SLC6A18: variants seen among roughly 807,000 people sequenced by gnomAD.
SLC6A18 encodes inactive sodium-dependent neutral amino acid transporter B(0)AT3.
Under a neutral mutation model 62.9 loss-of-function variants are expected in SLC6A18, and 58 were observed. The ratio of observed to expected loss-of-function variants is 0.92; its 90% CI spans 0.75 to 1.15. SLC6A18 has a LOEUF of 1.15. SLC6A18 is among the 50% of genes most tolerant of loss of function. SLC6A18 has a pLI of 0.00. For synonymous variants in SLC6A18, 382 were observed against 365.8 expected (o/e 1.04, Z -0.51); for missense variants, 793 against 836.6 (o/e 0.95, Z 0.64).
rs1198759929 is a variant in SLC6A18 at position 1,241,154 on chromosome 5, T to C, written c.974+495T>C. 6.6e-6 allele frequency among the ~76,000 whole-genome samples: 1 copy of C among 152,206 alleles called. No individual in the cohort carries two copies. Among genetic ancestry groups the C allele is most frequent in the Non-Finnish European group, 1.5e-5 (1 of 68,036 alleles). On this transcript the variant is annotated intron_variant, in intron 7 of 11. Coordinates refer to ENST00000324642, the MANE Select transcript of SLC6A18 (RefSeq NM_182632.3). This position sits in a 1 kb window ranked among gnomAD's most constrained non-coding sequence, Gnocchi z 7.8. ...TCCCGTGGTTTTGAGGCACCATTGCTGGTCGTTTGCTGCGGTGGTCCCAGG... is the reference window on the plus strand; with the variant it reads ...TCCCGTGGTTTTGAGGCACCATTGCCGGTCGTTTGCTGCGGTGGTCCCAGG...
Position 1,240,550 on chromosome 5 carries a change from G to A in SLC6A18, c.865G>A (p.Ala289Thr). Residue 289 changes from alanine to threonine, a missense_variant, in exon 7 of 12, where the codon GCG becomes ACG. Ala to Thr is a moderately conservative substitution (Grantham distance 58). Transcript: ENST00000324642. ...GCCCAGGAATGACTGCCAGAAGGAT[G>A]CGGTGGTCATCGCCCTGGTCAACAG... ...NSPRNDCQKD[A>T]VVIALVNRMT... is the part of the protein sequence containing the mutation. 5.0e-6 allele frequency: 8 copies of A among 1,614,188 alleles called. No homozygotes were observed. Among genetic ancestry groups the A allele is most frequent in the Non-Finnish European group, 6.8e-6 (8 of 1,180,034 alleles).
rs1211869353 is a variant in SLC6A18, at chr5:1,235,799, G to A, written c.621+137G>A. The A allele has an allele frequency of 6.0e-6, 5 of 832,792 alleles. No homozygotes were observed. In the East Asian group the frequency reaches 1.3e-4, roughly 21 times the overall value. The allele number at this position is 832,792 out of a possible 1,614,324, so 51.6% of individuals were successfully genotyped here. A position where few individuals can be genotyped will look rare whatever the true frequency, so the allele number is the denominator to read the frequency against. On this transcript the variant is annotated intron_variant, in intron 4 of 11. Transcript: ENST00000324642. ...ATCTAGGATTGCAACGTCTTCTTAG[G>A]GAATTGATCCCATTATCACTGTGAA...
chr5:1,232,806 G>A lies in SLC6A18; in HGVS notation c.357G>A (p.Val119=). The part of the protein sequence containing the change: ...FLISLYYNTI[V]AWVLWYLLNS... ...TCAGCCTGTACTACAACACCATCGTGGCGTGGGTGCTGTGGTACCTCCTCA... is the reference window on the plus strand; with the variant it reads ...TCAGCCTGTACTACAACACCATCGTAGCGTGGGTGCTGTGGTACCTCCTCA... Residue 119 remains valine (V), a synonymous_variant, in exon 3 of 12, where the codon GTG becomes GTA. Transcript: ENST00000324642. 6.2e-6 allele frequency: 10 copies of A among 1,613,486 alleles called. No homozygotes were observed. Among genetic ancestry groups the A allele is most frequent in the Non-Finnish European group, 8.5e-6 (10 of 1,179,990 alleles).
chr5:1,238,188 G>A (rs557177915), intron 5 of SLC6A18, 128 bp downstream of exon 5: 5 of 754,320 alleles, frequency 6.6e-6, no homozygotes, highest in African/African-American at 3.5e-5. Context: ...GCTGCCTGGT[G>A]GTCAGGGGTG....
intron 3 of SLC6A18, among the ~76,000 whole-genome samples, chr5:1,234,452 C>T (rs889724905): frequency 3.9e-5 from 6 of 152,238 alleles, no homozygotes; most frequent in Non-Finnish European, 7.3e-5. Context: ...GGCCCCAGTA[C>T]AGGCTATCTG....
At chr5:1,237,813 A>C in intron 4 of SLC6A18, 137 bp from the exon 5 acceptor site, 1 of 659,824 alleles carries the variant, frequency 1.5e-6, no homozygotes, top group Non-Finnish European at 2.7e-6. Context: ...GTGCACCCCC[A>C]TCCGTCCTGG....
At position 1,226,785 on chromosome 5, in the gene SLC6A18, G is replaced by A. The variant is rs550242514; in HGVS notation, c.160+1148G>A. On this transcript the variant is annotated intron_variant, in intron 1 of 11. Coordinates refer to ENST00000324642, the MANE Select transcript of SLC6A18 (RefSeq NM_182632.3). ...GGCAGAGGCGTCCCTGGCTCCCGGG[G>A]CCCTCGCTGCCTGTGCTGCGGCTCG... 9.9e-5 allele frequency among the ~76,000 whole-genome samples: 15 copies of A among 152,236 alleles called. No individual in the cohort carries two copies. The South Asian group carries it at 2.9e-3, about 30-fold the overall frequency.
At chr5:1,239,405 T>A in intron 5 of SLC6A18, 45 bp from the exon 6 acceptor site, 1 of 1,437,124 alleles carries the variant, frequency 7.0e-7, no homozygotes, top group Non-Finnish European at 9.8e-7. Context: ...CACCAGCTCA[T>A]GTGGTTTGCC....
rs779998110 is a variant in SLC6A18, at chr5:1,225,596, A to C, written c.119A>C (p.Asn40Thr). The C allele has an allele frequency of 6.2e-7, 1 of 1,607,486 alleles. No individual in the cohort carries two copies. The highest frequency in any genetic ancestry group is 1.1e-5 in the South Asian group (1 of 89,954). ...ACTGGGTTTGCCGTGGGACTGGGGA[A>C]CATTTGGCGGTTCCCATACCTGTGC... ...SCTGFAVGLG[N>T]IWRFPYLCQT... The change falls in exon 1 of 12, where the codon AAC becomes ACC. Residue 40 changes from asparagine (N) to threonine (T), a missense_variant. Physicochemically the swap from Asn to Thr is moderately conservative, Grantham distance 65. Coordinates refer to ENST00000324642, the MANE Select transcript of SLC6A18 (RefSeq NM_182632.3).
chr5:1,245,134 G>T (rs1034324213), intron 11 of SLC6A18, among the ~76,000 whole-genome samples: 2 of 152,216 alleles, frequency 1.3e-5, no homozygotes, highest in Admixed American at 1.3e-4. Flanking sequence ...GCATGGGGAC[G>T]GGCAGCCGGA....
Position 1,243,801 on chromosome 5 carries a change from C to T in SLC6A18, c.1336+42C>T, listed in dbSNP as rs1219379716. On this transcript the variant is annotated intron_variant, in intron 9 of 11. Transcript: ENST00000324642. This position sits in a 1 kb window ranked among gnomAD's most constrained non-coding sequence, Gnocchi z 6.5. ...GCCGCCCTGGAGGACCCGTCCCCAG[C>T]ATCTGACTGTCCACTCCCGCCCGCT... 1 of 1,532,828 alleles carries T rather than the reference C, an allele frequency of 6.5e-7. No individual in the cohort carries two copies. Among genetic ancestry groups the T allele is most frequent in the African/African-American group, 1.4e-5 (1 of 73,320 alleles). The allele number at this position is 1,532,828 out of a possible 1,614,324, so 95.0% of individuals were successfully genotyped here.
In SLC6A18 at chr5:1,244,447, T is replaced by C. The variant is rs115620695; in HGVS notation, c.1496+74T>C. On this transcript the variant is annotated intron_variant, in intron 10 of 11. Transcript: ENST00000324642. ...ACAGGGAATGGCTGCCGGGCACAGG[T>C]TCAACCCGCAGCTGCCCAGACCGCC... The C allele has an allele frequency of 1.1e-3, 1,790 of 1,589,586 alleles. 15 individuals carry two copies. In the African/African-American group the frequency reaches 0.018, roughly 16 times the overall value.
rs1747068442 is a variant in SLC6A18 at position 1,241,830 on chromosome 5, C to G, written c.975-877C>G. Among the ~76,000 whole-genome samples, 1 of 152,246 alleles carries G rather than the reference C, an allele frequency of 6.6e-6. No individual in the cohort carries two copies. The highest frequency in any genetic ancestry group is 1.9e-4 in the East Asian group (1 of 5,202). The stretch of plus-strand genomic sequence containing the variant: ...AATATTGACGGGGTTACAAGCACAT[C>G]TCAATGAGCAGGCGGATAAGGACCA... On this transcript the variant is annotated intron_variant, in intron 7 of 11. Transcript: ENST00000324642. The surrounding 1 kb of genome is among the most constrained non-coding windows in gnomAD (Gnocchi z 7.8).
At chr5:1,228,337 C>CCTCGCGG (rs1192242285) in intron 1 of SLC6A18, among the ~76,000 whole-genome samples, 1 of 152,206 alleles carries the variant, frequency 6.6e-6, no homozygotes, top group African/African-American at 2.4e-5. Flanking sequence ...CCGTCTGCAC[C>CCTCGCGG]CTCGCGGCTC....
At chr5:1,228,203 T>G (rs1746632531) in intron 1 of SLC6A18, among the ~76,000 whole-genome samples, 1 of 152,196 alleles carries the variant, frequency 6.6e-6, no homozygotes, top group Non-Finnish European at 1.5e-5. Flanking sequence ...CAGAAGAGAT[T>G]CTTCGGCGCT....
At chr5:1,228,751 A>T (rs1200566193) in intron 1 of SLC6A18, among the ~76,000 whole-genome samples, 1 of 152,246 alleles carries the variant, frequency 6.6e-6, no homozygotes, top group Non-Finnish European at 1.5e-5. Flanking sequence ...GTCTACTTGT[A>T]GCCCTGGCTA....
At position 1,239,141 on chromosome 5, in the gene SLC6A18, A is replaced by G. The variant is rs529592255; in HGVS notation, c.733-309A>G. ...CCCGGTTAGAGAGGGCACAGTAAAC[A>G]TGCCCATGCAGGAGCTGCTCAAACC... On this transcript the variant is annotated intron_variant, in intron 5 of 11. Coordinates refer to ENST00000324642, the MANE Select transcript of SLC6A18 (RefSeq NM_182632.3). 4.7e-4 allele frequency among the ~76,000 whole-genome samples: 71 copies of G among 152,344 alleles called. No individual in the cohort carries two copies. The Middle Eastern group carries it at 0.01, about 22-fold the overall frequency.
In SLC6A18 at chr5:1,244,438, G is replaced by A. The variant is rs950321762; in HGVS notation, c.1496+65G>A. ...CAGGGTGGGACAGGGAATGGCTGCC[G>A]GGCACAGGTTCAACCCGCAGCTGCC... On this transcript the variant is annotated intron_variant, in intron 10 of 11. Transcript: ENST00000324642. The A allele has an allele frequency of 1.9e-5, 31 of 1,597,384 alleles. No individual in the cohort carries two copies. In the Admixed American group the frequency reaches 3.2e-4, roughly 16 times the overall value.
chr5:1,242,200 C>T (rs1329881120), intron 7 of SLC6A18, among the ~76,000 whole-genome samples: 2 of 152,226 alleles, frequency 1.3e-5, no homozygotes, highest in African/African-American at 4.8e-5. Context: ...ACCACCCCCA[C>T]CCCCTTTGCA....
Sources: allele counts gnomAD v4.1 joint callset (sites outside exome capture counted in the v4.1 genomes callset), GRCh38; gene constraint gnomAD v4.1.1; non-coding constraint Gnocchi (gnomAD v3.1); transcripts MANE v1.5; gene names NCBI Gene and HGNC (gene_info 2026-07-23, HGNC 2026-07-21).